ERICH3: variants seen among roughly 807,000 people sequenced by gnomAD.
ERICH3 encodes glutamate-rich protein 3.
Under a neutral mutation model 131.1 loss-of-function variants are expected in ERICH3, and 126 were observed. That is an observed-to-expected ratio of 0.96 (90% CI 0.83 to 1.11). The LOEUF (loss-of-function observed/expected upper bound fraction) is 1.11, where lower values mean the gene tolerates loss of function less well. ERICH3 is among the 50% of genes most tolerant of loss of function. The pLI is 0.00. For synonymous variants in ERICH3, 695 were observed against 644.6 expected (o/e 1.08, Z -1.18); for missense variants, 2,050 against 1,810.7 (o/e 1.13, Z -2.40).
At chr1:74,652,825 G>A (rs1213385283) in intron 1 of ERICH3, among the ~76,000 whole-genome samples, 3 of 152,076 alleles carry the variant, frequency 2.0e-5, no homozygotes, top group African/African-American at 2.4e-5. Context: ...AGTCTAACAC[G>A]TTTGTTTCTT....
chr1:74,656,031 C>T (rs1174456879), intron 1 of ERICH3, among the ~76,000 whole-genome samples: 2 of 152,160 alleles, frequency 1.3e-5, no homozygotes, highest in Admixed American at 1.3e-4. Context: ...AGAATGCCTT[C>T]ACTGCTTTAT....
chr1:74,618,335 A>G (rs1290666039), intron 8 of ERICH3, among the ~76,000 whole-genome samples: 1 of 152,146 alleles, frequency 6.6e-6, no homozygotes, highest in African/African-American at 2.4e-5. Flanking sequence ...AAAGGAGAAA[A>G]GAGAAAGTAT....
intron 13 of ERICH3, among the ~76,000 whole-genome samples, chr1:74,573,847 T>C (rs1647004643): frequency 6.6e-6 from 1 of 152,198 alleles, no homozygotes; most frequent in African/African-American, 2.4e-5. Flanking sequence ...ACTCTTTCTC[T>C]TGGCTTCCTC....
chr1:74,571,773 TC>T lies in ERICH3; in HGVS notation c.3936del (p.Asn1313ThrfsTer59). On this transcript the variant is annotated frameshift_variant, in exon 14 of 15. Coordinates refer to ENST00000326665, the MANE Select transcript of ERICH3 (RefSeq NM_001002912.5). LOFTEE classifies it high-confidence loss of function. ...TCCATGTCCCCGTCCCCTTCCGAGTTCCTGTCCTGCATCGCTTCTGTCTCCA... is the reference window on the plus strand; with the variant it reads ...TCCATGTCCCCGTCCCCTTCCGAGTTCTGTCCTGCATCGCTTCTGTCTCCA... Reference protein sequence around the residue: ...CTLETEAMQDRNSEGDGDMEG... With the variant: ...CTLETEAMQDXNSEGDGDMEG... 6.2e-7 allele frequency: 1 copy of T among 1,614,060 alleles called. No homozygotes were observed. Among genetic ancestry groups the T allele is most frequent in the Non-Finnish European group, 8.5e-7 (1 of 1,180,018 alleles).
At chr1:74,644,837 C>G (rs1409925831) in intron 3 of ERICH3, among the ~76,000 whole-genome samples, 1 of 152,032 alleles carries the variant, frequency 6.6e-6, no homozygotes, top group East Asian at 1.9e-4. Context: ...TTCTTTTACT[C>G]CCCTGCTGAA....
intron 6 of ERICH3, among the ~76,000 whole-genome samples, chr1:74,633,362 T>G (rs918168907): frequency 6.6e-6 from 1 of 151,676 alleles, no homozygotes; most frequent in African/African-American, 2.4e-5. Context: ...TATTTTCCAT[T>G]TTTTCTGTAA....
At chr1:74,641,109 T>TA (rs1261122222) in intron 5 of ERICH3, among the ~76,000 whole-genome samples, 2 of 152,072 alleles carry the variant, frequency 1.3e-5, no homozygotes, top group Non-Finnish European at 2.9e-5. Flanking sequence ...TCCAGAAAAC[T>TA]AATCTAGCAT....
chr1:74,594,924 G>C (rs1341669454), intron 11 of ERICH3, among the ~76,000 whole-genome samples: 1 of 152,098 alleles, frequency 6.6e-6, no homozygotes, highest in African/African-American at 2.4e-5. Flanking sequence ...AGAAATTGCA[G>C]TTTAAGTTCA....
chr1:74,629,233 GA>G (rs529953580), intron 7 of ERICH3, among the ~76,000 whole-genome samples: 26 of 142,744 alleles, frequency 1.8e-4, no homozygotes, highest in Middle Eastern at 3.6e-3. Context: ...AGATAAAATT[GA>G]AAAAAAAAAC....
intron 1 of ERICH3, among the ~76,000 whole-genome samples, chr1:74,656,156 G>A (rs1214733711): frequency 2.0e-5 from 3 of 152,140 alleles, no homozygotes; most frequent in Non-Finnish European, 4.4e-5. Flanking sequence ...GGCCCGGGCT[G>A]TGAACCAAAT....
chr1:74,627,113 T>G (rs1288934863), intron 7 of ERICH3, among the ~76,000 whole-genome samples: 1 of 152,204 alleles, frequency 6.6e-6, no homozygotes, highest in Non-Finnish European at 1.5e-5. Flanking sequence ...CAAGTATTAA[T>G]GTAAAATGTG....
At chr1:74,645,341 A>G (rs139569060) in intron 3 of ERICH3, among the ~76,000 whole-genome samples, 1 of 152,152 alleles carries the variant, frequency 6.6e-6, no homozygotes, top group Non-Finnish European at 1.5e-5. Context: ...CATCAGCATA[A>G]ACTAAATGTG....
upstream of ERICH3, chr1:74,673,883 C>G (rs576010246): frequency 4.0e-6 from 1 of 250,546 alleles, no homozygotes; most frequent in African/African-American, 2.2e-5. Context: ...AGCCCCTGCT[C>G]TGTTGCTCTA....
intron 6 of ERICH3, among the ~76,000 whole-genome samples, chr1:74,632,400 TTAGAG>T (rs1646348739): frequency 6.6e-6 from 1 of 152,074 alleles, no homozygotes; most frequent in Non-Finnish European, 1.5e-5. Context: ...CATGTACTAT[TTAGAG>T]TAAATTATTA....
At chr1:74,639,525 A>C (rs929878817) in intron 5 of ERICH3, among the ~76,000 whole-genome samples, 1 of 152,194 alleles carries the variant, frequency 6.6e-6, no homozygotes, top group Non-Finnish European at 1.5e-5. Context: ...TTCTTGGAAT[A>C]AATATGGCAT....
chr1:74,607,598 A>T (rs1241314961), intron 9 of ERICH3, among the ~76,000 whole-genome samples: 1 of 151,970 alleles, frequency 6.6e-6, no homozygotes, highest in Admixed American at 6.6e-5. Context: ...TCTGCACTAC[A>T]GTCTTCTGGT....
At chr1:74,570,745 T>C (rs1646927250) in intron 14 of ERICH3, among the ~76,000 whole-genome samples, 1 of 152,172 alleles carries the variant, frequency 6.6e-6, no homozygotes, top group Admixed American at 6.5e-5. Context: ...TTGTGAAATA[T>C]AGTTTAATTC....
intron 8 of ERICH3, among the ~76,000 whole-genome samples, chr1:74,613,306 CTTG>C (rs1423282875): frequency 6.6e-6 from 1 of 152,050 alleles, no homozygotes; most frequent in Non-Finnish European, 1.5e-5. Context: ...GCCTTATTAT[CTTG>C]TTATTTTTCA....
intron 12 of ERICH3, among the ~76,000 whole-genome samples, chr1:74,580,503 CT>C (rs1231585138): frequency 6.6e-6 from 1 of 152,110 alleles, no homozygotes; most frequent in Non-Finnish European, 1.5e-5. Context: ...TCTAAATGTT[CT>C]TTTAAAAAGG....
Sources: gnomAD v4.1 joint callset for allele counts (sites outside exome capture counted in the v4.1 genomes callset) on GRCh38, gnomAD v4.1.1 for gene constraint, MANE v1.5 for transcripts, NCBI Gene and HGNC (gene_info 2026-07-23, HGNC 2026-07-21) for gene names.